The following ELMO1 variants were observed in gnomAD, a reference collection of about 807,000 sequenced individuals.
ELMO1 encodes the protein engulfment and cell motility protein 1.
A neutral mutation model predicts 98.9 loss-of-function variants in ELMO1; 26 were observed. The ratio of observed to expected loss-of-function variants is 0.26; its 90% CI spans 0.19 to 0.36. The LOEUF (loss-of-function observed/expected upper bound fraction) is 0.36. ELMO1 is among the 10% of genes least tolerant of loss of function. The pLI is 1.00. For synonymous variants in ELMO1, 346 were observed against 346.0 expected (o/e 1.00, Z 0.00); for missense variants, 627 against 935.2 (o/e 0.67, Z 4.30).
intron 10 of ELMO1, chr7:37,217,666 G>C: frequency 2.2e-6 from 1 of 456,832 alleles, no homozygotes; most frequent in Non-Finnish European, 4.4e-6. Context: ...CAGCACAGGA[G>C]AGCAGGGCCC....
At chr7:37,366,065 C>G (rs565779806) in intron 1 of ELMO1, among the ~76,000 whole-genome samples, 2 of 152,272 alleles carry the variant, frequency 1.3e-5, no homozygotes, top group South Asian at 4.1e-4. Context: ...GAAGTTGTTT[C>G]TAAATTCTAA....
chr7:36,981,469 G>A lies in ELMO1; in HGVS notation c.1437+31830C>T, dbSNP rs201174167. On this transcript the variant is annotated intron_variant, in intron 16 of 21. Transcript: ENST00000310758. ...AGAACTATTTAGTCAATATTTTCTC[G>A]CTAAACAAAATTTGTAGAATTGAAT... Among the ~76,000 whole-genome samples, 36 of 152,132 alleles carry A rather than the reference G, an allele frequency of 2.4e-4. No individual in the cohort carries two copies. The East Asian group carries it at 6.0e-3, about 25-fold the overall frequency.
intron 1 of ELMO1, among the ~76,000 whole-genome samples, chr7:37,424,598 C>G (rs1489824784): frequency 2.0e-5 from 3 of 152,144 alleles, no homozygotes; most frequent in Admixed American, 6.5e-5. Context: ...TGGCCAAAAG[C>G]CTGGGAATCA....
chr7:37,248,005 A>C (rs1234455834), intron 6 of ELMO1, among the ~76,000 whole-genome samples: 1 of 149,522 alleles, frequency 6.7e-6, no homozygotes, highest in Non-Finnish European at 1.5e-5. Context: ...TTTTTATATG[A>C]GTTCCGCCTC....
At position 37,314,826 on chromosome 7, in the gene ELMO1, T is replaced by C. The variant is rs372615664; in HGVS notation, c.192+24A>G. The C allele has an allele frequency of 3.8e-6, 6 of 1,598,386 alleles. No individual in the cohort carries two copies. The African/African-American group carries it at 4.0e-5, about 11-fold the overall frequency. On this transcript the variant is annotated intron_variant, in intron 4 of 21. Transcript: ENST00000310758. ...TTACTTTCCTTCAATATGTATCCCA[T>C]ATTAAATAATGTAGTTGACCTACCT...
intron 2 of ELMO1, among the ~76,000 whole-genome samples, chr7:37,320,375 A>C (rs1432930826): frequency 6.6e-6 from 1 of 152,008 alleles, no homozygotes; most frequent in Non-Finnish European, 1.5e-5. Flanking sequence ...CACGTTCCCC[A>C]TGCTTCTGGA....
chr7:37,037,441 G>A lies in ELMO1; in HGVS notation c.1301-24006C>T, dbSNP rs536779417. ...TCTGTCCGCTAACCCCTATGACAGA[G>A]GAGATGGGAAAATAATTGAGCTGCT... On this transcript the variant is annotated intron_variant, in intron 15 of 21. Transcript: ENST00000310758. Among the ~76,000 whole-genome samples the A allele has an allele frequency of 1.8e-4, 27 of 152,304 alleles. No homozygotes were observed. The South Asian group carries it at 5.6e-3, about 32-fold the overall frequency.
At position 36,922,368 on chromosome 7, in the gene ELMO1, A is replaced by AAC. The variant is rs1785219512; in HGVS notation, c.1438-27352_1438-27351insGT. ...CTTGCAAAAAAAAAAAAAAAAAAAAACCAACAGATAATTGAGTTCTTTTAT... is the reference window on the plus strand; with the variant it reads ...CTTGCAAAAAAAAAAAAAAAAAAAAAACCCAACAGATAATTGAGTTCTTTTAT... On this transcript the variant is annotated intron_variant, in intron 16 of 21. Transcript: ENST00000310758. 7.4e-5 allele frequency among the ~76,000 whole-genome samples: 11 copies of AAC among 147,996 alleles called. No individual in the cohort carries two copies. In the South Asian group the frequency reaches 2.2e-3, roughly 29 times the overall value.
At chr7:37,263,246 TTTATA>T (rs1796069092) in intron 5 of ELMO1, among the ~76,000 whole-genome samples, 1 of 150,232 alleles carries the variant, frequency 6.7e-6, no homozygotes, top group Admixed American at 6.6e-5. Context: ...CAGATCACTC[TTTATA>T]TAATTTTATA....
intron 4 of ELMO1, among the ~76,000 whole-genome samples, chr7:37,297,744 G>A (rs1798114046): frequency 6.6e-6 from 1 of 152,184 alleles, no homozygotes; most frequent in East Asian, 1.9e-4. Context: ...ATGACTCACT[G>A]AGGAATGACT....
chr7:36,981,502 T>C (rs1000584299), intron 16 of ELMO1, among the ~76,000 whole-genome samples: 1 of 152,204 alleles, frequency 6.6e-6, no homozygotes, highest in South Asian at 2.1e-4. Flanking sequence ...AATAAGATGA[T>C]AGCAATTAAA....
At chr7:37,327,010 T>C (rs955998101) in intron 2 of ELMO1, among the ~76,000 whole-genome samples, 1 of 152,268 alleles carries the variant, frequency 6.6e-6, no homozygotes, top group Non-Finnish European at 1.5e-5. Flanking sequence ...CATATCAATG[T>C]TGCTATGGAT....
intron 15 of ELMO1, among the ~76,000 whole-genome samples, chr7:37,034,576 A>C (rs1012484024): frequency 6.6e-6 from 1 of 152,182 alleles, no homozygotes; most frequent in African/African-American, 2.4e-5. Context: ...AGATAGCAAA[A>C]ACAGTTGATT....
At position 37,437,694 on chromosome 7, in the gene ELMO1, G is replaced by A. The variant is rs1237102413; in HGVS notation, c.-74+10981C>T. On this transcript the variant is annotated intron_variant, in intron 1 of 21. Transcript: ENST00000310758. ...TGTTTTGAAATATACAATAGGCCGG[G>A]CGCGGTGGCTCACGCCTGTAATCCC... 3.7e-4 allele frequency among the ~76,000 whole-genome samples: 4 copies of A among 10,922 alleles called. 2 individuals are homozygous for A. Among genetic ancestry groups the A allele is most frequent in the Non-Finnish European group, 1.0e-3 (4 of 3,970 alleles). The allele number at this position is 10,922 out of a possible 152,430, so 7.2% of individuals were successfully genotyped here.
chr7:37,119,564 T>C (rs1290025882), intron 14 of ELMO1, among the ~76,000 whole-genome samples: 1 of 152,192 alleles, frequency 6.6e-6, no homozygotes, highest in Non-Finnish European at 1.5e-5. Context: ...TTAAAGGTTT[T>C]AAAATAGTGT....
At chr7:37,228,776 G>A (rs1298753705) in intron 8 of ELMO1, among the ~76,000 whole-genome samples, 1 of 152,130 alleles carries the variant, frequency 6.6e-6, no homozygotes, top group Non-Finnish European at 1.5e-5. Flanking sequence ...GCCGAGGCGG[G>A]TGGATCACGA....
chr7:37,406,267 G>GTTTTTTTTTTTTT (rs71554508), intron 1 of ELMO1, among the ~76,000 whole-genome samples: 1 of 145,508 alleles, frequency 6.9e-6, no homozygotes. Flanking sequence ...TTACTCTTTT[G>GTTTTTTTTTTTTT]TTTTTTTTTT....
chr7:37,197,024 C>G (rs1341291663), intron 13 of ELMO1: 1 of 152,116 alleles, frequency 6.6e-6, no homozygotes, highest in Non-Finnish European at 1.5e-5. Flanking sequence ...AGCAGTCTAG[C>G]CAGTTTGGTA....
chr7:37,005,692 C>CAAAAAA (rs71553094), intron 16 of ELMO1, among the ~76,000 whole-genome samples: 3 of 37,496 alleles, frequency 8.0e-5, no homozygotes, highest in African/African-American at 1.4e-4. Context: ...GACTCTGTCT[C>CAAAAAA]AAAAAAAAAA....
Sources: allele counts gnomAD v4.1 joint callset (sites outside exome capture counted in the v4.1 genomes callset), GRCh38; gene constraint gnomAD v4.1.1; transcripts MANE v1.5; gene names NCBI Gene and HGNC (gene_info 2026-07-23, HGNC 2026-07-21).